VPS13B: variants seen among roughly 807,000 people sequenced by gnomAD.
The protein encoded by VPS13B is intermembrane lipid transfer protein VPS13B.
A neutral mutation model predicts 426.4 loss-of-function variants in VPS13B; 285 were observed. That is an observed-to-expected ratio of 0.67 (90% confidence interval 0.61 to 0.74). The LOEUF (loss-of-function observed/expected upper bound fraction) is 0.74. Ranked by LOEUF, VPS13B falls within the 30% of genes least tolerant of loss-of-function variation. VPS13B has a pLI of 0.00. For synonymous variants in VPS13B, 1,676 were observed against 1,676.4 expected (o/e 1.00, Z 0.01); for missense variants, 4,537 against 4,782.6 (o/e 0.95, Z 1.51).
Position 99,362,139 on chromosome 8 carries a change from C to CTT in VPS13B, c.2825-22049_2825-22048dup, listed in dbSNP as rs71273181. Among the ~76,000 whole-genome samples the CTT allele has an allele frequency of 6.4e-3, 768 of 119,694 alleles. 7 individuals carry two copies. Among genetic ancestry groups the CTT allele is most frequent in the African/African-American group, 8.0e-3 (257 of 32,104 alleles). The allele number at this position is 119,694 out of a possible 152,430, so 78.5% of individuals were successfully genotyped here. A position where few individuals can be genotyped will look rare whatever the true frequency, so the allele number is the denominator to read the frequency against. ...GGGCAGCTATTATATTTTAATTTGT[C>CTT]TTTTTTTTTTTTTTTTTTTTTGAGA... On this transcript the variant is annotated intron_variant, in intron 19 of 61. Transcript: ENST00000357162.
At chr8:99,432,070 A>G (rs1817144297) in intron 22 of VPS13B, among the ~76,000 whole-genome samples, 1 of 152,072 alleles carries the variant, frequency 6.6e-6, no homozygotes, top group African/African-American at 2.4e-5. Flanking sequence ...ATTATAAGTT[A>G]AATATGAAAA....
chr8:99,608,415 A>C (rs1827695596), intron 33 of VPS13B, among the ~76,000 whole-genome samples: 1 of 152,030 alleles, frequency 6.6e-6, no homozygotes, highest in African/African-American at 2.4e-5. Context: ...AAGTGCTAGA[A>C]TTATGGGGGT....
At chr8:99,472,442 A>G (rs1043624004) in intron 24 of VPS13B, among the ~76,000 whole-genome samples, 1 of 151,994 alleles carries the variant, frequency 6.6e-6, no homozygotes, top group Non-Finnish European at 1.5e-5. Flanking sequence ...ACATTAAACA[A>G]CATGCTTCTA....
At chr8:99,050,115 T>C (rs1843449760) in intron 3 of VPS13B, among the ~76,000 whole-genome samples, 1 of 152,062 alleles carries the variant, frequency 6.6e-6, no homozygotes, top group Non-Finnish European at 1.5e-5. Context: ...ACACGGGCCA[T>C]GTTGGTGTGC....
At chr8:99,444,324 C>T (rs1817813909) in intron 23 of VPS13B, among the ~76,000 whole-genome samples, 1 of 152,138 alleles carries the variant, frequency 6.6e-6, no homozygotes. Flanking sequence ...GTTTCAAACT[C>T]CTGACCTCGT....
intron 16 of VPS13B, among the ~76,000 whole-genome samples, chr8:99,179,656 A>G (rs1812838327): frequency 6.6e-6 from 1 of 152,112 alleles, no homozygotes; most frequent in Non-Finnish European, 1.5e-5. Flanking sequence ...CATAGAAGTG[A>G]TTTTACACTG....
chr8:99,310,668 C>T (rs1275445591), intron 19 of VPS13B, among the ~76,000 whole-genome samples: 2 of 152,094 alleles, frequency 1.3e-5, no homozygotes. Flanking sequence ...TGTGTCTATT[C>T]CAGTCTTTGG....
intron 3 of VPS13B, among the ~76,000 whole-genome samples, chr8:99,071,407 AC>A (rs1844846069): frequency 6.6e-6 from 1 of 152,138 alleles, no homozygotes; most frequent in Non-Finnish European, 1.5e-5. Context: ...TTCCTGGATT[AC>A]CAGGCAGAGA....
At chr8:99,154,684 C>A (rs1433619074) in intron 14 of VPS13B, among the ~76,000 whole-genome samples, 3 of 152,106 alleles carry the variant, frequency 2.0e-5, no homozygotes, top group Admixed American at 2.0e-4. Context: ...CACCTGGGGC[C>A]TTCCTTTGAG....
rs578006037 is a variant in VPS13B, at chr8:99,087,240, G to A, written c.292-9072G>A. ...TAGCAATCAGCGAGGCTCTGTGGGC[G>A]TAGGACCCACCCAGCCATGTGCGGG... On this transcript the variant is annotated intron_variant, in intron 3 of 61. Coordinates refer to ENST00000357162, the MANE Select transcript of VPS13B (RefSeq NM_152564.5). 1.7e-4 allele frequency among the ~76,000 whole-genome samples: 26 copies of A among 152,316 alleles called. No individual in the cohort carries two copies. In the South Asian group the frequency reaches 4.6e-3, roughly 27 times the overall value.
chr8:99,338,000 A>G (rs61380879), intron 19 of VPS13B, among the ~76,000 whole-genome samples: 3,116 of 152,250 alleles, frequency 0.02, 114 homozygotes, highest in African/African-American at 0.071. Context: ...TTGAAAATCA[A>G]TAGACAACAT....
At chr8:99,014,979 T>G (rs1841537738) in intron 2 of VPS13B, among the ~76,000 whole-genome samples, 1 of 152,020 alleles carries the variant, frequency 6.6e-6, no homozygotes, top group African/African-American at 2.4e-5. Context: ...GACCAACTGC[T>G]TTTTAGGAGA....
chr8:99,575,942 A>G (rs1487259777), intron 32 of VPS13B, among the ~76,000 whole-genome samples, 158 bp downstream of exon 32: 2 of 152,142 alleles, frequency 1.3e-5, no homozygotes, highest in Non-Finnish European at 2.9e-5. Context: ...ACTTTGTAGT[A>G]CTCTTCAGTT....
intron 35 of VPS13B, among the ~76,000 whole-genome samples, chr8:99,684,348 C>G (rs1831285175): frequency 6.6e-6 from 1 of 152,114 alleles, no homozygotes; most frequent in Non-Finnish European, 1.5e-5. Flanking sequence ...TCTTCTATTT[C>G]CTGGAGGACA....
Position 99,351,418 on chromosome 8 carries a change from AAGAG to A in VPS13B, c.2825-32775_2825-32772del, listed in dbSNP as rs141684691. On this transcript the variant is annotated intron_variant, in intron 19 of 61. Coordinates refer to ENST00000357162, the MANE Select transcript of VPS13B (RefSeq NM_152564.5). ...ATGTTCATTTCTTTTCTCCTTCCTCAAGAGAGAGAGAGAGAGAGTGTGTGTGTGT... is the reference window on the plus strand; with the variant it reads ...ATGTTCATTTCTTTTCTCCTTCCTCAAGAGAGAGAGAGAGTGTGTGTGTGT... Among the ~76,000 whole-genome samples the A allele has an allele frequency of 6.5e-3, 963 of 147,428 alleles. 12 individuals are homozygous for A. The highest frequency in any genetic ancestry group is 0.014 in the African/African-American group (571 of 40,226).
chr8:99,551,918 A>T (rs988291586), intron 30 of VPS13B, among the ~76,000 whole-genome samples: 1 of 152,102 alleles, frequency 6.6e-6, no homozygotes, highest in Admixed American at 6.6e-5. Context: ...GCATTTTTCA[A>T]TAATTGTGGA....
chr8:99,833,414 C>T (rs1421563438), intron 52 of VPS13B, among the ~76,000 whole-genome samples: 1 of 152,120 alleles, frequency 6.6e-6, no homozygotes, highest in African/African-American at 2.4e-5. Flanking sequence ...AATTTGTAGA[C>T]TTTATTTGAG....
At position 99,790,832 on chromosome 8, in the gene VPS13B, A is replaced by G. The variant is rs75504904; in HGVS notation, c.7941+6356A>G. Among the ~76,000 whole-genome samples, 1,147 of 152,316 alleles carry G rather than the reference A, an allele frequency of 7.5e-3. 10 individuals carry two copies. The highest frequency in any genetic ancestry group is 0.02 in the African/African-American group (848 of 41,588). On this transcript the variant is annotated intron_variant, in intron 43 of 61. Transcript: ENST00000357162. The stretch of plus-strand genomic sequence containing the variant: ...CAACATGTGTGAAAGCCACAGAGAC[A>G]TGAAACAATATGGCACAGAAGGATA...
intron 19 of VPS13B, among the ~76,000 whole-genome samples, chr8:99,366,572 T>C (rs1425613678): frequency 2.0e-5 from 3 of 151,656 alleles, no homozygotes; most frequent in African/African-American, 4.8e-5. Context: ...TGTCTTTTGA[T>C]TGGACAGGTT....
Sources: gnomAD v4.1 joint callset for allele counts (sites outside exome capture counted in the v4.1 genomes callset) on GRCh38, gnomAD v4.1.1 for gene constraint, MANE v1.5 for transcripts, NCBI Gene and HGNC (gene_info 2026-07-23, HGNC 2026-07-21) for gene names.